Variants in CORIN observed in about 807,000 individuals in gnomAD.
The protein encoded by CORIN is atrial natriuretic peptide-converting enzyme.
Under a neutral mutation model 125.3 loss-of-function variants are expected in CORIN, and 117 were observed. The ratio of observed to expected loss-of-function variants is 0.93; its 90% CI spans 0.80 to 1.09. CORIN has a LOEUF of 1.09. Among genes scored for constraint, CORIN ranks in the 50% least tolerant of loss-of-function variants. The pLI is 0.00. For missense variants in CORIN, 1,253 were observed against 1,306.7 expected (o/e 0.96, Z 0.63); for synonymous variants, 450 against 466.4 (o/e 0.96, Z 0.45).
At chr4:47,621,491 A>G (rs1722306414) in intron 19 of CORIN, among the ~76,000 whole-genome samples, 1 of 152,178 alleles carries the variant, frequency 6.6e-6, no homozygotes. Context: ...AGTGAGCATA[A>G]TAAATGTCTG....
At position 47,661,717 on chromosome 4, in the gene CORIN, C is replaced by T. The variant is rs932049392; in HGVS notation, c.1729G>A (p.Val577Met). 5 of 1,609,806 alleles carry T rather than the reference C, an allele frequency of 3.1e-6. No homozygotes were observed. Among genetic ancestry groups the T allele is most frequent in the Non-Finnish European group, 3.4e-6 (4 of 1,177,178 alleles). ...AATTAATTTTAAAATTAACCTTCCA[C>T]ATATTCATCAGGCATCAGGCAGGTT... is the stretch of plus-strand genomic sequence containing the variant. Reference protein sequence around the residue: ...NQTCLMPDEYVEECSPSHFKC... With the variant: ...NQTCLMPDEYMEECSPSHFKC... Residue 577 changes from valine (V) to methionine (M), a missense_variant, in exon 12 of 22, where the codon GTG becomes ATG. Val to Met is a conservative substitution (Grantham distance 21). Coordinates refer to ENST00000273857, the MANE Select transcript of CORIN (RefSeq NM_006587.4).
chr4:47,746,054 G>T (rs1728648437), intron 4 of CORIN, among the ~76,000 whole-genome samples: 1 of 152,150 alleles, frequency 6.6e-6, no homozygotes, highest in Non-Finnish European at 1.5e-5. Flanking sequence ...ATATGAATTG[G>T]TTCAGGCAAG....
Position 47,654,914 on chromosome 4 carries a change from T to C in CORIN, c.1736-1254A>G, listed in dbSNP as rs1723901341. Among the ~76,000 whole-genome samples the C allele has an allele frequency of 2.6e-5, 4 of 151,766 alleles. No homozygotes were observed. The South Asian group carries it at 8.3e-4, about 32-fold the overall frequency. On this transcript the variant is annotated intron_variant, in intron 12 of 21. Transcript: ENST00000273857. Reference sequence around the variant, plus strand: ...CACAGCTCAGAAAGAGACTCCTTTCTTCTGCTTGAGGACAGGAGAGGGGAG... The same window carrying C: ...CACAGCTCAGAAAGAGACTCCTTTCCTCTGCTTGAGGACAGGAGAGGGGAG...
At chr4:47,769,326 G>A (rs1197985422) in intron 3 of CORIN, among the ~76,000 whole-genome samples, 1 of 152,010 alleles carries the variant, frequency 6.6e-6, no homozygotes, top group Non-Finnish European at 1.5e-5. Context: ...AACCAAGGAG[G>A]TGAAAGATCT....
At chr4:47,770,673 A>G (rs1729985446) in intron 3 of CORIN, among the ~76,000 whole-genome samples, 1 of 152,200 alleles carries the variant, frequency 6.6e-6, no homozygotes. Flanking sequence ...GTATATACAC[A>G]CAATGAAATA....
Position 47,623,631 on chromosome 4 carries a change from A to T in CORIN, c.2480T>A (p.Ile827Asn). The T allele has an allele frequency of 6.2e-7, 1 of 1,614,200 alleles. No homozygotes were observed. The highest frequency in any genetic ancestry group is 8.5e-7 in the Non-Finnish European group (1 of 1,180,016). ...CTTGGCAATGAGGACACAGCCACAG[A>T]TATGTCCACTGGGTTCACTCTGCAG... is the stretch of plus-strand genomic sequence containing the variant. Reference protein sequence around the residue: ...CSLQSEPSGHICGCVLIAKKW... With the variant: ...CSLQSEPSGHNCGCVLIAKKW... The change falls in exon 19 of 22, where the codon ATC becomes AAC. Residue 827 changes from isoleucine to asparagine, a missense_variant. Ile to Asn is a moderately radical substitution (Grantham distance 149, BLOSUM62 -3). Coordinates refer to ENST00000273857, the MANE Select transcript of CORIN (RefSeq NM_006587.4).
chr4:47,747,791 T>C (rs184621304), intron 4 of CORIN, among the ~76,000 whole-genome samples: 1 of 152,308 alleles, frequency 6.6e-6, no homozygotes, highest in African/African-American at 2.4e-5. Flanking sequence ...AGTTTCCTCA[T>C]TTGAAAAGTG....
chr4:47,708,547 G>C (rs967358760), intron 5 of CORIN, among the ~76,000 whole-genome samples: 2 of 152,064 alleles, frequency 1.3e-5, no homozygotes, highest in African/African-American at 4.8e-5. Context: ...CAGGATTTAG[G>C]ACATGGACAT....
chr4:47,636,129 T>G (rs1723016387), intron 16 of CORIN, among the ~76,000 whole-genome samples: 2 of 152,206 alleles, frequency 1.3e-5, no homozygotes, highest in Non-Finnish European at 2.9e-5. Context: ...ACAGAAATAT[T>G]CTTTGAAAAC....
chr4:47,788,328 C>A (rs1327936311), intron 2 of CORIN, among the ~76,000 whole-genome samples: 1 of 152,128 alleles, frequency 6.6e-6, no homozygotes, highest in African/African-American at 2.4e-5. Context: ...AAAACATTAA[C>A]TACAAATAAA....
chr4:47,648,330 A>G (rs1723580467), intron 13 of CORIN, among the ~76,000 whole-genome samples: 1 of 152,184 alleles, frequency 6.6e-6, no homozygotes, highest in Non-Finnish European at 1.5e-5. Flanking sequence ...TTGAGGATAC[A>G]GTGTTCCAAA....
intron 16 of CORIN, among the ~76,000 whole-genome samples, chr4:47,633,221 T>C (rs964520567): frequency 1.3e-5 from 2 of 152,098 alleles, no homozygotes; most frequent in African/African-American, 2.4e-5. Flanking sequence ...AAAATTAACT[T>C]GCAGAGTATT....
intron 21 of CORIN, 94 bp downstream of exon 21, chr4:47,600,120 T>G: frequency 8.9e-7 from 1 of 1,128,804 alleles, no homozygotes. Flanking sequence ...TTTCAAAAAA[T>G]GTTTCCAAAG....
rs755219434 is a variant in CORIN at position 47,786,698 on chromosome 4, T to G, written c.409+27A>C. On this transcript the variant is annotated intron_variant, in intron 3 of 21. Transcript: ENST00000273857. Reference sequence around the variant, plus strand: ...ACCTACCTGTGGGACATTAAAAGCCTCTAGCATGTATCACCTTTGGACTTA... The same window carrying G: ...ACCTACCTGTGGGACATTAAAAGCCGCTAGCATGTATCACCTTTGGACTTA... 3.8e-6 allele frequency: 6 copies of G among 1,586,114 alleles called. No individual in the cohort carries two copies. The South Asian group carries it at 5.5e-5, about 15-fold the overall frequency.
intron 9 of CORIN, among the ~76,000 whole-genome samples, chr4:47,675,266 G>GAT (rs1724963323): frequency 6.6e-6 from 1 of 152,168 alleles, no homozygotes; most frequent in South Asian, 2.1e-4. Flanking sequence ...CTTCAGGCAT[G>GAT]TCATCTGGAA....
chr4:47,670,080 T>C lies in CORIN; in HGVS notation c.1357+4313A>G, dbSNP rs562830357. Among the ~76,000 whole-genome samples, 3 of 152,352 alleles carry C rather than the reference T, an allele frequency of 2.0e-5. No homozygotes were observed. In the South Asian group the frequency reaches 6.2e-4, roughly 32 times the overall value. On this transcript the variant is annotated intron_variant, in intron 10 of 21. Transcript: ENST00000273857. Reference sequence around the variant, plus strand: ...CTTTTGAATCTTGCTTATCGCACACTCCTGGTGAAGTTAAACACGTTCCCC... The same window carrying C: ...CTTTTGAATCTTGCTTATCGCACACCCCTGGTGAAGTTAAACACGTTCCCC...
rs1252602470 is a variant in CORIN at position 47,767,369 on chromosome 4, A to G, written c.410-3783T>C. 3.4e-5 allele frequency among the ~76,000 whole-genome samples: 5 copies of G among 148,354 alleles called. No homozygotes were observed. In the East Asian group the frequency reaches 8.6e-4, roughly 25 times the overall value. On this transcript the variant is annotated intron_variant, in intron 3 of 21. Transcript: ENST00000273857. ...AAATTACCACCATTAAAAAGAAAAA[A>G]AAAGAAAAATATTCATCTATCTCTA...
chr4:47,669,846 G>A (rs1321350429), intron 10 of CORIN, among the ~76,000 whole-genome samples: 1 of 152,146 alleles, frequency 6.6e-6, no homozygotes, highest in Non-Finnish European at 1.5e-5. Context: ...TGGGATTACA[G>A]GCGTGAGCCA....
chr4:47,649,335 C>T (rs949319675), intron 13 of CORIN, among the ~76,000 whole-genome samples: 1 of 152,198 alleles, frequency 6.6e-6, no homozygotes, highest in African/African-American at 2.4e-5. Flanking sequence ...CTATGTGAGC[C>T]AGAGACCTCC....
Sources: allele counts gnomAD v4.1 joint callset (sites outside exome capture counted in the v4.1 genomes callset), GRCh38; gene constraint gnomAD v4.1.1; transcripts MANE v1.5; gene names NCBI Gene and HGNC (gene_info 2026-07-23, HGNC 2026-07-21).